CYP2C19: variants seen among roughly 807,000 people sequenced by gnomAD.
CYP2C19 encodes the protein cytochrome P450 2C19.
In CYP2C19, 59 loss-of-function variants were observed where a neutral mutation model predicts 40.9. That is an observed-to-expected ratio of 1.44 (90% CI 1.17 to 1.79). The LOEUF is 1.79. Ranked by LOEUF, CYP2C19 falls within the 40% of genes most tolerant of loss-of-function variation. The pLI is 0.00. For missense variants in CYP2C19, 754 were observed against 596.9 expected (o/e 1.26, Z -2.74); for synonymous variants, 253 against 208.7 (o/e 1.21, Z -1.83).
At chr10:94,783,744 C>T (rs1848506831) in intron 5 of CYP2C19, among the ~76,000 whole-genome samples, 1 of 152,064 alleles carries the variant, frequency 6.6e-6, no homozygotes, top group Non-Finnish European at 1.5e-5. Context: ...GAGTGTGAGT[C>T]TTTTGTTGTT....
Position 94,780,598 on chromosome 10 carries a change from T to G in CYP2C19, c.581T>G (p.Phe194Cys). ...QKRFDYKDQQ[F>C]LNLMEKLNEN... The stretch of plus-strand genomic sequence containing the variant: ...CGTTTCGATTATAAAGATCAGCAAT[T>G]TCTTAACTTGATGGAAAAATTGAAT... The change falls in exon 4 of 9, where the codon TTT becomes TGT. Residue 194 changes from phenylalanine to cysteine, a missense_variant. Transcript: ENST00000371321. 1 of 1,613,884 alleles carries G rather than the reference T, an allele frequency of 6.2e-7. No homozygotes were observed. The highest frequency in any genetic ancestry group is 8.5e-7 in the Non-Finnish European group (1 of 1,179,922).
chr10:94,794,333 T>G (rs1318248950), intron 5 of CYP2C19, among the ~76,000 whole-genome samples: 1 of 152,126 alleles, frequency 6.6e-6, no homozygotes, highest in Non-Finnish European at 1.5e-5. Flanking sequence ...CCTGCCCTGC[T>G]TCAGCTCACA....
At chr10:94,830,093 T>C (rs1849304571) in intron 6 of CYP2C19, among the ~76,000 whole-genome samples, 1 of 152,192 alleles carries the variant, frequency 6.6e-6, no homozygotes, top group South Asian at 2.1e-4. Flanking sequence ...CTGCAGAGGT[T>C]ACTGCTGTCT....
intron 3 of CYP2C19, among the ~76,000 whole-genome samples, chr10:94,777,278 C>A (rs550837004): frequency 6.6e-6 from 1 of 152,242 alleles, no homozygotes; most frequent in Admixed American, 6.5e-5. Context: ...CATTGAGTTT[C>A]TTCACAGAAC....
chr10:94,800,346 C>G (rs1296016311), intron 5 of CYP2C19, among the ~76,000 whole-genome samples: 1 of 152,110 alleles, frequency 6.6e-6, no homozygotes, highest in African/African-American at 2.4e-5. Flanking sequence ...TGCAGAACAG[C>G]AAATATTGCA....
At chr10:94,821,444 C>T (rs1849120030) in intron 6 of CYP2C19, among the ~76,000 whole-genome samples, 1 of 152,128 alleles carries the variant, frequency 6.6e-6, no homozygotes. Flanking sequence ...TGAAAAAATT[C>T]CTAGTCTGAT....
At chr10:94,806,469 G>A (rs989705771) in intron 5 of CYP2C19, among the ~76,000 whole-genome samples, 3 of 151,844 alleles carry the variant, frequency 2.0e-5, no homozygotes, top group African/African-American at 4.8e-5. Context: ...ATTCTCGAAC[G>A]TCTTAATGTT....
In CYP2C19 at chr10:94,853,672, A is replaced by G. The variant is rs544410861; in HGVS notation, c.*758A>G. ...GAGATTCTCCTGCCTCAGCCTCCTG[A>G]GTAGCTGGGATTACAGACACGTGCC... On this transcript the variant is annotated 3_prime_UTR_variant, in exon 9 of 9. Coordinates refer to ENST00000371321, the MANE Select transcript of CYP2C19 (RefSeq NM_000769.4). Among the ~76,000 whole-genome samples the G allele has an allele frequency of 4.6e-5, 7 of 150,846 alleles. No homozygotes were observed. The highest frequency in any genetic ancestry group is 1.0e-4 in the Non-Finnish European group (7 of 67,882).
At chr10:94,774,613 A>C (rs938126187) in intron 1 of CYP2C19, 7 of 181,176 alleles carry the variant, frequency 3.9e-5, no homozygotes, top group Non-Finnish European at 8.1e-5. Flanking sequence ...TTGGACCAGG[A>C]AATTGTTAGT....
rs1266116857 is a variant in CYP2C19 at position 94,853,857 on chromosome 10, T to A, written c.*943T>A. Among the ~76,000 whole-genome samples, 2 of 152,100 alleles carry A rather than the reference T, an allele frequency of 1.3e-5. No homozygotes were observed. Among genetic ancestry groups the A allele is most frequent in the African/African-American group, 4.8e-5 (2 of 41,432 alleles). ...CACTGTGCCTGGTCTAATGTTACTT[T>A]AAAGTGTCATTACTTTATCTCTAAA... On this transcript the variant is annotated 3_prime_UTR_variant, in exon 9 of 9. Transcript: ENST00000371321.
At chr10:94,840,187 A>C (rs940039747) in intron 6 of CYP2C19, among the ~76,000 whole-genome samples, 15 of 151,808 alleles carry the variant, frequency 9.9e-5, no homozygotes, top group South Asian at 2.1e-4. Flanking sequence ...TACCAATTAC[A>C]GGTTTTAAAT....
At chr10:94,799,580 C>T (rs1331862475) in intron 5 of CYP2C19, among the ~76,000 whole-genome samples, 2 of 151,920 alleles carry the variant, frequency 1.3e-5, no homozygotes, top group African/African-American at 2.4e-5. Context: ...TCTTCACTTC[C>T]TGAAGAGTGT....
At chr10:94,777,095 G>C (rs1439913660) in intron 3 of CYP2C19, among the ~76,000 whole-genome samples, 1 of 152,018 alleles carries the variant, frequency 6.6e-6, no homozygotes, top group Non-Finnish European at 1.5e-5. Context: ...AACTTAAAAG[G>C]GATGTGAAAG....
rs766718319 is a variant in CYP2C19 at position 94,782,503 on chromosome 10, CTGTT to C, written c.819+510_819+513del. Among the ~76,000 whole-genome samples the C allele has an allele frequency of 2.5e-4, 38 of 152,188 alleles. 1 individual carries two copies. In the East Asian group the frequency reaches 6.4e-3, roughly 26 times the overall value. ...GTGGAAAAATAGAAATGTTTTTACT[CTGTT>C]TGTGGGAGCGTAAATTAGTTCAATC... is the stretch of plus-strand genomic sequence containing the variant. On this transcript the variant is annotated intron_variant, in intron 5 of 8. Coordinates refer to ENST00000371321, the MANE Select transcript of CYP2C19 (RefSeq NM_000769.4).
At position 94,854,634 on chromosome 10, in the gene CYP2C19, C is replaced by T. The variant is rs1467239570; in HGVS notation, c.*1720C>T. Among the ~76,000 whole-genome samples, 10 of 152,132 alleles carry T rather than the reference C, an allele frequency of 6.6e-5. No individual in the cohort carries two copies. In the South Asian group the frequency reaches 1.7e-3, roughly 25 times the overall value. On this transcript the variant is annotated 3_prime_UTR_variant, in exon 9 of 9. Transcript: ENST00000371321. ...ATATATGGGTACAGATGTACATGTA[C>T]ATCTATGCATGTGTGTGTACATTAT... is the stretch of plus-strand genomic sequence containing the variant.
intron 6 of CYP2C19, among the ~76,000 whole-genome samples, chr10:94,836,981 G>A (rs1849414721): frequency 6.6e-6 from 1 of 152,180 alleles, no homozygotes. Context: ...GGTGAGTTGA[G>A]ATGTTGGGTT....
intron 6 of CYP2C19, among the ~76,000 whole-genome samples, chr10:94,823,806 T>A (rs1849166847): frequency 6.6e-6 from 1 of 152,176 alleles, no homozygotes; most frequent in Admixed American, 6.6e-5. Flanking sequence ...TATTGGAGAA[T>A]GTGCTTAATT....
At chr10:94,817,306 G>C (rs973831928) in intron 5 of CYP2C19, among the ~76,000 whole-genome samples, 3 of 151,174 alleles carry the variant, frequency 2.0e-5, no homozygotes, top group Admixed American at 6.6e-5. Flanking sequence ...TTGTGGTTTT[G>C]ATTTGTATTT....
intron 1 of CYP2C19, among the ~76,000 whole-genome samples, chr10:94,772,927 G>T (rs995348086): frequency 6.6e-6 from 1 of 152,136 alleles, no homozygotes; most frequent in Non-Finnish European, 1.5e-5. Flanking sequence ...GACTACAGGC[G>T]CCCGCCACCG....
Sources: gnomAD v4.1 joint callset for allele counts (sites outside exome capture counted in the v4.1 genomes callset) on GRCh38, gnomAD v4.1.1 for gene constraint, MANE v1.5 for transcripts, NCBI Gene and HGNC (gene_info 2026-07-23, HGNC 2026-07-21) for gene names.